THSD7B: variants seen among roughly 807,000 people sequenced by gnomAD.
THSD7B encodes thrombospondin type 1 domain containing 7B.
THSD7B carries 138 observed loss-of-function variants against 213.6 expected under a neutral mutation model. The ratio of observed to expected loss-of-function variants is 0.65; its 90% CI spans 0.56 to 0.74. The LOEUF (loss-of-function observed/expected upper bound fraction) is 0.74, where lower values mean the gene tolerates loss of function less well. THSD7B is among the 30% of genes least tolerant of loss of function. The pLI, the probability that THSD7B is intolerant of heterozygous loss-of-function variation, is 0.00. For synonymous variants in THSD7B, 742 were observed against 687.0 expected, an observed-to-expected ratio of 1.08 and a Z score of -1.25; for missense variants, 1,931 against 1,991.5, an observed-to-expected ratio of 0.97 and a Z score of 0.58.
At chr2:137,397,758 G>A (rs1175270129) in intron 12 of THSD7B, among the ~76,000 whole-genome samples, 2 of 151,738 alleles carry the variant, frequency 1.3e-5, no homozygotes, top group Non-Finnish European at 2.9e-5. Context: ...ATCCTGCAGA[G>A]TGTTTTCCAA....
intron 3 of THSD7B, among the ~76,000 whole-genome samples, chr2:137,092,380 C>A (rs1687964903): frequency 1.3e-5 from 2 of 151,744 alleles, no homozygotes; most frequent in South Asian, 4.2e-4. Context: ...CACTATTGCA[C>A]CCAGCCTGAG....
At chr2:136,957,866 G>A (rs1685154014) in intron 2 of THSD7B, among the ~76,000 whole-genome samples, 1 of 152,132 alleles carries the variant, frequency 6.6e-6, no homozygotes, top group Non-Finnish European at 1.5e-5. Flanking sequence ...GCATCTTTAA[G>A]TTAGCACAAA....
At chr2:136,953,234 GA>G (rs1231142707) in intron 2 of THSD7B, among the ~76,000 whole-genome samples, 3 of 152,036 alleles carry the variant, frequency 2.0e-5, no homozygotes, top group Admixed American at 1.3e-4. Flanking sequence ...TCTCTGGAAA[GA>G]AAAAAATTAC....
intron 15 of THSD7B, among the ~76,000 whole-genome samples, chr2:137,556,955 A>G (rs1341309491): frequency 6.6e-6 from 1 of 152,316 alleles, no homozygotes; most frequent in African/African-American, 2.4e-5. Flanking sequence ...AGGCCATTAC[A>G]TAATGGTAAA....
intron 2 of THSD7B, among the ~76,000 whole-genome samples, chr2:136,976,399 A>C (rs1392145441): frequency 6.6e-6 from 1 of 152,182 alleles, no homozygotes; most frequent in African/African-American, 2.4e-5. Context: ...ATTCTATTGA[A>C]GTCCTTTTCT....
chr2:137,213,828 T>C (rs1681175202), intron 7 of THSD7B, among the ~76,000 whole-genome samples: 1 of 152,120 alleles, frequency 6.6e-6, no homozygotes, highest in African/African-American at 2.4e-5. Flanking sequence ...CAGGTAGAGT[T>C]GGCTCACAGA....
intron 12 of THSD7B, among the ~76,000 whole-genome samples, chr2:137,316,757 C>G (rs901623369): frequency 4.6e-5 from 1 of 21,814 alleles, no homozygotes; most frequent in Admixed American, 5.0e-4. Context: ...GACTCTGTCT[C>G]AAAAAAAAAA....
chr2:137,290,825 T>C (rs1440404297), intron 12 of THSD7B, among the ~76,000 whole-genome samples: 1 of 152,128 alleles, frequency 6.6e-6, no homozygotes, highest in African/African-American at 2.4e-5. Flanking sequence ...AGGCTTGGAA[T>C]CCCGTCTGTT....
chr2:137,502,863 G>A (rs1470510263), intron 15 of THSD7B, among the ~76,000 whole-genome samples: 1 of 151,948 alleles, frequency 6.6e-6, no homozygotes, highest in Non-Finnish European at 1.5e-5. Flanking sequence ...AATATTCTTA[G>A]AGGCCTACAG....
intron 12 of THSD7B, among the ~76,000 whole-genome samples, chr2:137,378,368 G>A (rs142393216): frequency 2.0e-3 from 300 of 152,316 alleles, no homozygotes; most frequent in African/African-American, 6.7e-3. Flanking sequence ...TTTGCACAGC[G>A]TGTCCACTAT....
chr2:137,623,000 C>G (rs1180731832), intron 20 of THSD7B, among the ~76,000 whole-genome samples: 1 of 152,164 alleles, frequency 6.6e-6, no homozygotes, highest in Non-Finnish European at 1.5e-5. Flanking sequence ...CATCCTGATA[C>G]CAAAGCCTGG....
At chr2:136,984,633 A>G (rs1206820912) in intron 2 of THSD7B, among the ~76,000 whole-genome samples, 2 of 152,204 alleles carry the variant, frequency 1.3e-5, no homozygotes, top group African/African-American at 4.8e-5. Context: ...GTATTTCTTT[A>G]TAGTGACACA....
chr2:136,867,227 C>T (rs1683348268), intron 1 of THSD7B, among the ~76,000 whole-genome samples: 1 of 152,124 alleles, frequency 6.6e-6, no homozygotes, highest in Admixed American at 6.5e-5. Context: ...TTAATTCATG[C>T]CAAGAATAAA....
chr2:137,612,371 G>A (rs2104834412), intron 17 of THSD7B, among the ~76,000 whole-genome samples: 1 of 152,232 alleles, frequency 6.6e-6, no homozygotes, highest in East Asian at 1.9e-4. Context: ...GACTTCCAAT[G>A]TAATTCTGGT....
intron 11 of THSD7B, 49 bp downstream of exon 11, chr2:137,272,711 A>G: frequency 6.3e-7 from 1 of 1,577,600 alleles, no homozygotes; most frequent in Non-Finnish European, 8.6e-7. Flanking sequence ...GTAAATTATA[A>G]CCTATTTTCT....
At chr2:137,558,245 G>A (rs1681026318) in intron 15 of THSD7B, among the ~76,000 whole-genome samples, 1 of 152,076 alleles carries the variant, frequency 6.6e-6, no homozygotes. Context: ...CCAAAGCCTG[G>A]CAGAGACACA....
At chr2:137,127,859 A>G (rs1427159350) in intron 5 of THSD7B, among the ~76,000 whole-genome samples, 1 of 152,160 alleles carries the variant, frequency 6.6e-6, no homozygotes, top group Non-Finnish European at 1.5e-5. Flanking sequence ...CGGAGGTTGC[A>G]GTAAGCTAAG....
chr2:137,600,477 C>A (rs1682054995), intron 17 of THSD7B, among the ~76,000 whole-genome samples: 1 of 152,140 alleles, frequency 6.6e-6, no homozygotes, highest in South Asian at 2.1e-4. Context: ...ATGGCTCAGG[C>A]CTGTAGTCCT....
At chr2:137,554,539 A>C (rs1308275826) in intron 15 of THSD7B, among the ~76,000 whole-genome samples, 1 of 152,188 alleles carries the variant, frequency 6.6e-6, no homozygotes, top group Non-Finnish European at 1.5e-5. Context: ...ATAAAGAGCT[A>C]AAGTCATGAA....
Sources: gnomAD v4.1 joint callset for allele counts (sites outside exome capture counted in the v4.1 genomes callset) on GRCh38, gnomAD v4.1.1 for gene constraint, MANE v1.5 for transcripts, NCBI Gene and HGNC (gene_info 2026-07-23, HGNC 2026-07-21) for gene names.